The following PIGL variants were observed in gnomAD, a reference collection of about 807,000 sequenced individuals.
PIGL encodes N-acetylglucosaminyl-phosphatidylinositol de-N-acetylase.
Under a neutral mutation model 31.1 loss-of-function variants are expected in PIGL, and 22 were observed. The ratio of observed to expected loss-of-function variants is 0.71; its 90% CI spans 0.51 to 1.01. The LOEUF is 1.01. Among genes scored for constraint, PIGL ranks in the 50% least tolerant of loss-of-function variants. PIGL has a pLI of 0.00. For missense variants in PIGL, 302 were observed against 315.9 expected (o/e 0.96, Z 0.33); for synonymous variants, 131 against 117.4 (o/e 1.12, Z -0.75).
intron 3 of PIGL, 132 bp from the exon 4 acceptor site, chr17:16,313,415 G>C: frequency 1.4e-6 from 1 of 719,158 alleles, no homozygotes; most frequent in Non-Finnish European, 2.6e-6. Flanking sequence ...CTGCTCAGAA[G>C]TCACTTCAGA....
At chr17:16,301,889 C>T (rs2093006495) in intron 3 of PIGL, among the ~76,000 whole-genome samples, 1 of 151,472 alleles carries the variant, frequency 6.6e-6, no homozygotes, top group African/African-American at 2.4e-5. Flanking sequence ...TTTTTAGAGA[C>T]AGGATCTTGC....
chr17:16,281,393 T>G (rs1332966915), intron 2 of PIGL, among the ~76,000 whole-genome samples: 1 of 152,256 alleles, frequency 6.6e-6, no homozygotes, highest in Non-Finnish European at 1.5e-5. Context: ...CTTTTATGTT[T>G]CAGAGACTGG....
At chr17:16,232,714 G>T (rs752738920) in intron 1 of PIGL, among the ~76,000 whole-genome samples, 3 of 151,278 alleles carry the variant, frequency 2.0e-5, no homozygotes, top group Non-Finnish European at 4.4e-5. Context: ...ATGGGAGAGG[G>T]TATGTGTAGA....
At chr17:16,250,098 C>T (rs1426019628) in intron 2 of PIGL, among the ~76,000 whole-genome samples, 1 of 152,150 alleles carries the variant, frequency 6.6e-6, no homozygotes, top group African/African-American at 2.4e-5. Flanking sequence ...CGACATATGC[C>T]ACCATGTCCG....
chr17:16,220,241 G>A (rs910422475), intron 1 of PIGL, among the ~76,000 whole-genome samples: 1 of 151,774 alleles, frequency 6.6e-6, no homozygotes, highest in Non-Finnish European at 1.5e-5. Flanking sequence ...CCAGCTACTC[G>A]GGAGGCTGAG....
At chr17:16,223,032 A>T (rs933464644) in intron 1 of PIGL, among the ~76,000 whole-genome samples, 1 of 152,074 alleles carries the variant, frequency 6.6e-6, no homozygotes, top group Non-Finnish European at 1.5e-5. Context: ...AATAAATAAA[A>T]TGAAAAGAAT....
chr17:16,301,621 G>C (rs2093005243), intron 3 of PIGL, among the ~76,000 whole-genome samples: 1 of 147,070 alleles, frequency 6.8e-6, no homozygotes, highest in Non-Finnish European at 1.5e-5. Context: ...GCCCAGGCTG[G>C]AGTGCAGTGG....
intron 2 of PIGL, among the ~76,000 whole-genome samples, chr17:16,256,864 T>G (rs1053100521): frequency 2.6e-5 from 4 of 151,870 alleles, no homozygotes; most frequent in African/African-American, 9.7e-5. Context: ...ATTTTTGTGT[T>G]TTTAGTAGAG....
At chr17:16,299,818 C>T (rs573281445) in intron 2 of PIGL, 70 bp from the exon 3 acceptor site, 1 of 1,099,226 alleles carries the variant, frequency 9.1e-7, no homozygotes, top group East Asian at 2.4e-5. Flanking sequence ...TGGGCATGCA[C>T]CTACTGGAGC....
At chr17:16,220,477 G>GTTTTTTTTTTTTTTTTTTTTTTTTT (rs1171079537) in intron 1 of PIGL, among the ~76,000 whole-genome samples, 1 of 70,054 alleles carries the variant, frequency 1.4e-5, no homozygotes, top group African/African-American at 5.0e-5. Context: ...TTTTTAAATT[G>GTTTTTTTTTTTTTTTTTTTTTTTTT]TTATTTTTTT....
intron 2 of PIGL, among the ~76,000 whole-genome samples, chr17:16,244,549 T>C (rs2092736291): frequency 1.3e-5 from 2 of 152,208 alleles, no homozygotes; most frequent in African/African-American, 4.8e-5. Context: ...GTTTTGGAGA[T>C]CTTGGTTATT....
chr17:16,244,164 C>G (rs1483998233), intron 2 of PIGL, among the ~76,000 whole-genome samples: 2 of 152,204 alleles, frequency 1.3e-5, no homozygotes, highest in Non-Finnish European at 2.9e-5. Context: ...TGTCCTCCAG[C>G]TGCATGACTC....
At chr17:16,243,294 C>T (rs1300401808) in intron 2 of PIGL, among the ~76,000 whole-genome samples, 1 of 152,188 alleles carries the variant, frequency 6.6e-6, no homozygotes, top group African/African-American at 2.4e-5. Context: ...AGGGGATCCA[C>T]CTGCCTCGAA....
intron 1 of PIGL, among the ~76,000 whole-genome samples, chr17:16,219,274 A>C (rs2092614963): frequency 6.6e-6 from 1 of 151,448 alleles, no homozygotes; most frequent in Admixed American, 6.6e-5. Context: ...GTTAGCCAGG[A>C]TGGTCTTGAT....
In PIGL at chr17:16,300,455, C is replaced by T. The variant is rs776310002; in HGVS notation, c.426+477C>T. On this transcript the variant is annotated intron_variant, in intron 3 of 6. Transcript: ENST00000225609. ...CAGCACATCGGGAGGCCGAGTTGGA[C>T]GGATCACCTGAAGTCAGGAGTTCCA... Among the ~76,000 whole-genome samples the T allele has an allele frequency of 6.6e-5, 10 of 152,110 alleles. No homozygotes were observed. The East Asian group carries it at 7.7e-4, about 12-fold the overall frequency.
intron 2 of PIGL, among the ~76,000 whole-genome samples, chr17:16,244,134 T>C (rs1305052340): frequency 6.6e-6 from 1 of 152,172 alleles, no homozygotes; most frequent in East Asian, 1.9e-4. Context: ...CTTAGCAGTT[T>C]AGGGAGGGTT....
At chr17:16,245,819 TA>T (rs112664357) in intron 2 of PIGL, among the ~76,000 whole-genome samples, 6,573 of 87,900 alleles carry the variant, frequency 0.075, 580 homozygotes, top group African/African-American at 0.27. Context: ...TATATATATA[TA>T]TTTTTTTTTG....
At chr17:16,256,598 C>A (rs2092794459) in intron 2 of PIGL, among the ~76,000 whole-genome samples, 1 of 152,198 alleles carries the variant, frequency 6.6e-6, no homozygotes, top group African/African-American at 2.4e-5. Flanking sequence ...GATCTGCCTG[C>A]CTCAGCCTCC....
intron 2 of PIGL, among the ~76,000 whole-genome samples, chr17:16,242,612 T>G (rs2092727403): frequency 6.6e-6 from 1 of 151,276 alleles, no homozygotes; most frequent in Non-Finnish European, 1.5e-5. Context: ...CAATCTTTCA[T>G]GTTTTCAACA....
Sources: allele counts gnomAD v4.1 joint callset (sites outside exome capture counted in the v4.1 genomes callset), GRCh38; gene constraint gnomAD v4.1.1; transcripts MANE v1.5; gene names NCBI Gene and HGNC (gene_info 2026-07-23, HGNC 2026-07-21).